Variants in VAT1L observed in about 807,000 individuals in gnomAD.
VAT1L encodes the protein vesicle amine transport 1 like.
A neutral mutation model predicts 44.1 loss-of-function variants in VAT1L; 34 were observed. The ratio of observed to expected loss-of-function variants is 0.77; its 90% CI spans 0.59 to 1.03. The LOEUF is 1.03. VAT1L is among the 50% of genes least tolerant of loss of function. The pLI is 0.00. For missense variants in VAT1L, 615 were observed against 538.8 expected (o/e 1.14, Z -1.40); for synonymous variants, 253 against 202.2 (o/e 1.25, Z -2.13).
intron 7 of VAT1L, among the ~76,000 whole-genome samples, chr16:77,951,212 A>C (rs2018038476): frequency 6.6e-6 from 1 of 152,216 alleles, no homozygotes; most frequent in South Asian, 2.1e-4. Context: ...TACAACTTGC[A>C]GGGAACAGCA....
intron 7 of VAT1L, among the ~76,000 whole-genome samples, chr16:77,920,163 T>C (rs1459395438): frequency 1.3e-5 from 2 of 152,190 alleles, no homozygotes; most frequent in African/African-American, 2.4e-5. Flanking sequence ...GCTGTAAGGA[T>C]TGCACAGAGC....
intron 7 of VAT1L, among the ~76,000 whole-genome samples, chr16:77,970,857 C>G (rs976603025): frequency 2.6e-5 from 4 of 152,334 alleles, no homozygotes; most frequent in African/African-American, 9.6e-5. Context: ...GGGTGAGTTC[C>G]TCAAAGGCAG....
intron 7 of VAT1L, among the ~76,000 whole-genome samples, chr16:77,895,435 A>G (rs146951939): frequency 3.9e-5 from 6 of 152,308 alleles, no homozygotes; most frequent in African/African-American, 1.4e-4. Flanking sequence ...AATACCCTGG[A>G]TCATGCAGAT....
At chr16:77,841,288 G>T (rs1237776920) in intron 3 of VAT1L, among the ~76,000 whole-genome samples, 2 of 152,168 alleles carry the variant, frequency 1.3e-5, no homozygotes, top group African/African-American at 4.8e-5. Flanking sequence ...TCACTATTTG[G>T]TCCAGGCTGG....
intron 7 of VAT1L, among the ~76,000 whole-genome samples, chr16:77,927,199 G>A (rs57263496): frequency 2.0e-5 from 3 of 152,058 alleles, no homozygotes; most frequent in African/African-American, 7.2e-5. Flanking sequence ...TTAGCCAGGT[G>A]TGGTGGCGGG....
At chr16:77,829,651 A>T (rs1182945439) in intron 3 of VAT1L, among the ~76,000 whole-genome samples, 3 of 152,196 alleles carry the variant, frequency 2.0e-5, no homozygotes, top group Non-Finnish European at 4.4e-5. Flanking sequence ...ACAATCCTTT[A>T]AAGGAAAAGT....
chr16:77,884,906 G>C lies in VAT1L; in HGVS notation c.1077+104G>C. 7.8e-7 allele frequency: 1 copy of C among 1,285,506 alleles called. No homozygotes were observed. The highest frequency in any genetic ancestry group is 1.0e-6 in the Non-Finnish European group (1 of 970,380). 79.6% of individuals were successfully genotyped at this position (1,285,506 alleles called of 1,614,324 possible). A position where few individuals can be genotyped will look rare whatever the true frequency, so the allele number is the denominator to read the frequency against. On this transcript the variant is annotated intron_variant, in intron 7 of 8. Coordinates refer to ENST00000302536, the MANE Select transcript of VAT1L (RefSeq NM_020927.3). This position sits in a 1 kb window ranked among gnomAD's most constrained non-coding sequence, Gnocchi z 4.5. ...TACTAAATGATTTTTTTCCCAGATGGGTTTGTTTTAAATGAGGGTCCTAAA... is the reference window on the plus strand; with the variant it reads ...TACTAAATGATTTTTTTCCCAGATGCGTTTGTTTTAAATGAGGGTCCTAAA...
At chr16:77,946,948 C>G (rs2017975613) in intron 7 of VAT1L, among the ~76,000 whole-genome samples, 1 of 152,196 alleles carries the variant, frequency 6.6e-6, no homozygotes, top group Non-Finnish European at 1.5e-5. Context: ...GAAGGCAACA[C>G]CTCCCTCAAC....
intron 4 of VAT1L, among the ~76,000 whole-genome samples, chr16:77,865,511 G>A (rs8053823): frequency 3.0e-4 from 46 of 152,278 alleles, no homozygotes; most frequent in African/African-American, 1.1e-3. Context: ...GGAATATAGA[G>A]TCTTAACGGA....
At chr16:77,846,079 G>T (rs924333652) in intron 3 of VAT1L, among the ~76,000 whole-genome samples, 5 of 152,250 alleles carry the variant, frequency 3.3e-5, no homozygotes, top group Admixed American at 6.5e-5. Context: ...TGGGTGCTTG[G>T]CAAGTGTTGG....
intron 3 of VAT1L, among the ~76,000 whole-genome samples, chr16:77,856,174 C>G (rs890767602): frequency 2.0e-5 from 3 of 152,224 alleles, no homozygotes; most frequent in Admixed American, 6.5e-5. Context: ...TGCAAAGATC[C>G]TACAGTGAAA....
chr16:77,853,780 A>C (rs2016829827), intron 3 of VAT1L, among the ~76,000 whole-genome samples: 2 of 152,260 alleles, frequency 1.3e-5, no homozygotes, highest in South Asian at 4.1e-4. Context: ...CAATGAATAA[A>C]AGAGAAAAAA....
intron 4 of VAT1L, among the ~76,000 whole-genome samples, chr16:77,869,183 C>T (rs11865457): frequency 0.076 from 11,512 of 152,036 alleles, 672 homozygotes; most frequent in East Asian, 0.23. Flanking sequence ...TGAAGGAGAA[C>T]GAGAGAATGA....
At chr16:77,858,487 T>C (rs2016883736) in intron 3 of VAT1L, among the ~76,000 whole-genome samples, 1 of 152,224 alleles carries the variant, frequency 6.6e-6, no homozygotes, top group African/African-American at 2.4e-5. Context: ...GTATTGAGCA[T>C]TGATTGTTCT....
intron 7 of VAT1L, among the ~76,000 whole-genome samples, chr16:77,948,587 C>T (rs996048850): frequency 2.0e-5 from 3 of 152,048 alleles, no homozygotes; most frequent in Non-Finnish European, 4.4e-5. Flanking sequence ...ACACCCCCTG[C>T]CCCCATACTC....
At chr16:77,905,469 G>C (rs762080388) in intron 7 of VAT1L, among the ~76,000 whole-genome samples, 7 of 152,070 alleles carry the variant, frequency 4.6e-5, no homozygotes, top group Non-Finnish European at 1.0e-4. Context: ...TGCAAACATA[G>C]AGTAGCCTCG....
chr16:77,979,295 T>G lies in VAT1L; in HGVS notation c.*1600T>G, dbSNP rs1346163729. The G allele has an allele frequency of 1.3e-5, 2 of 152,468 alleles. No homozygotes were observed. The highest frequency in any genetic ancestry group is 2.9e-5 in the Non-Finnish European group (2 of 68,034). 9.4% of individuals were successfully genotyped at this position (152,468 alleles called of 1,614,324 possible). A position where few individuals can be genotyped will look rare whatever the true frequency, so the allele number is the denominator to read the frequency against. On this transcript the variant is annotated 3_prime_UTR_variant, in exon 9 of 9. Transcript: ENST00000302536. ...ATGAAGACAAGAAAGGGTGCTTTCA[T>G]CTGAGGAACCAAGGGGTGAGAGTAT...
chr16:77,803,867 G>A (rs2016109475), intron 1 of VAT1L, among the ~76,000 whole-genome samples: 1 of 152,206 alleles, frequency 6.6e-6, no homozygotes, highest in Non-Finnish European at 1.5e-5. Context: ...TCTGTGGAGA[G>A]GTGAGATGGG....
At chr16:77,837,116 G>A (rs1044230746) in intron 3 of VAT1L, among the ~76,000 whole-genome samples, 2 of 152,184 alleles carry the variant, frequency 1.3e-5, no homozygotes, top group Non-Finnish European at 2.9e-5. Context: ...CAGGTAGGCA[G>A]TGCTGAAAGA....
Sources: gnomAD v4.1 joint callset for allele counts (sites outside exome capture counted in the v4.1 genomes callset) on GRCh38, gnomAD v4.1.1 for gene constraint, Gnocchi (gnomAD v3.1) non-coding constraint, MANE v1.5 for transcripts, NCBI Gene and HGNC (gene_info 2026-07-23, HGNC 2026-07-21) for gene names.